WDFY4: variants seen among roughly 807,000 people sequenced by gnomAD.
The protein encoded by WDFY4 is WD repeat- and FYVE domain-containing protein 4.
A neutral mutation model predicts 351.9 loss-of-function variants in WDFY4; 169 were observed. The ratio of observed to expected loss-of-function variants is 0.48; its 90% confidence interval spans 0.42 to 0.55. The LOEUF (loss-of-function observed/expected upper bound fraction) is 0.55, where lower values mean the gene tolerates loss of function less well. Ranked by LOEUF, WDFY4 falls within the 20% of genes least tolerant of loss-of-function variation. The pLI, the probability that WDFY4 is intolerant of heterozygous loss-of-function variation, is 0.00. For missense variants in WDFY4, 3,803 were observed against 3,935.6 expected (o/e 0.97, Z 0.90); for synonymous variants, 1,622 against 1,574.6 (o/e 1.03, Z -0.71).
At position 48,882,427 on chromosome 10, in the gene WDFY4, G is replaced by A. The variant is rs140326920; in HGVS notation, c.7167+5228G>A. ...GCTAGATGTCAGAAGCCCTTGCCTTGTGTGATCTTCATGCACTGTCTCATT... is the reference window on the plus strand; with the variant it reads ...GCTAGATGTCAGAAGCCCTTGCCTTATGTGATCTTCATGCACTGTCTCATT... On this transcript the variant is annotated intron_variant, in intron 43 of 61. Coordinates refer to ENST00000325239, the MANE Select transcript of WDFY4 (RefSeq NM_001394531.1). Among the ~76,000 whole-genome samples the A allele has an allele frequency of 2.2e-3, 334 of 152,316 alleles. 1 individual carries two copies. The highest frequency in any genetic ancestry group is 7.6e-3 in the African/African-American group (317 of 41,558).
At chr10:48,904,844 T>A (rs1246307826) in intron 47 of WDFY4, among the ~76,000 whole-genome samples, 5 of 152,170 alleles carry the variant, frequency 3.3e-5, no homozygotes, top group Non-Finnish European at 7.4e-5. Context: ...CCCACCCAAC[T>A]ACATAGACCA....
chr10:48,849,316 C>T (rs1181477639), intron 39 of WDFY4, among the ~76,000 whole-genome samples: 1 of 152,194 alleles, frequency 6.6e-6, no homozygotes, highest in East Asian at 1.9e-4. Flanking sequence ...CCATAGAATA[C>T]ATGACCATCT....
At chr10:48,687,674 G>C (rs975556299) in intron 1 of WDFY4, among the ~76,000 whole-genome samples, 3 of 145,898 alleles carry the variant, frequency 2.1e-5, no homozygotes, top group Non-Finnish European at 4.5e-5. Flanking sequence ...GAGTGCAATG[G>C]CATGATCTTG....
At chr10:48,838,751 G>T (rs935552094) in intron 39 of WDFY4, among the ~76,000 whole-genome samples, 2 of 152,104 alleles carry the variant, frequency 1.3e-5, no homozygotes, top group African/African-American at 4.8e-5. Context: ...CCCAGACATC[G>T]TATTATTTCA....
At chr10:48,822,349 T>C (rs1297269740) in intron 34 of WDFY4, 31 bp from the exon 35 acceptor site, 3 of 1,504,360 alleles carry the variant, frequency 2.0e-6, no homozygotes, top group East Asian at 2.5e-5. Flanking sequence ...CCATTTAGAC[T>C]CTCACCTCCA....
At position 48,943,317 on chromosome 10, in the gene WDFY4, T is replaced by A. The variant is rs1432048409; in HGVS notation, c.7630-13T>A. 1 of 1,551,284 alleles carries A rather than the reference T, an allele frequency of 6.4e-7. No individual in the cohort carries two copies. The highest frequency in any genetic ancestry group is 2.4e-5 in the East Asian group (1 of 40,928). On this transcript the variant is annotated splice_polypyrimidine_tract_variant and intron_variant, in intron 48 of 61. Coordinates refer to ENST00000325239, the MANE Select transcript of WDFY4 (RefSeq NM_001394531.1). ...ACGTATTTGGTTTATCCCCTTTCTG[T>A]CTCTTCTGGTAGAAAAGGGACATCA...
chr10:48,828,862 A>G lies in WDFY4; in HGVS notation c.6306A>G (p.Lys2102=). 2 of 1,485,756 alleles carry G rather than the reference A, an allele frequency of 1.3e-6. No homozygotes were observed. The highest frequency in any genetic ancestry group is 1.8e-6 in the Non-Finnish European group (2 of 1,109,166). 92.0% of individuals were successfully genotyped at this position (1,485,756 alleles called of 1,614,324 possible). A position where few individuals can be genotyped will look rare whatever the true frequency, so the allele number is the denominator to read the frequency against. ...QVFLSPNEDV[K]EKREDLPSLS... ...TCCTTTCCCCAAATGAAGACGTGAA[A>G]GAAAAAAGAGAAGACTTACCAAGTT... Residue 2102 remains lysine (K), a synonymous_variant, in exon 37 of 62, where the codon AAA becomes AAG. Coordinates refer to ENST00000325239, the MANE Select transcript of WDFY4 (RefSeq NM_001394531.1).
intron 47 of WDFY4, among the ~76,000 whole-genome samples, chr10:48,911,960 G>A (rs1194570069): frequency 6.6e-6 from 1 of 152,204 alleles, no homozygotes; most frequent in African/African-American, 2.4e-5. Context: ...ACAATGTGAG[G>A]AGAAAATAAG....
At chr10:48,908,030 G>T (rs2671694) in intron 47 of WDFY4, among the ~76,000 whole-genome samples, 52,087 of 152,090 alleles carry the variant, frequency 0.34, 10,883 homozygotes, top group Non-Finnish European at 0.46. Flanking sequence ...TGGCCATTCT[G>T]CCTAGGTCAT....
intron 1 of WDFY4, among the ~76,000 whole-genome samples, chr10:48,687,926 C>T (rs1022885548): frequency 2.6e-5 from 4 of 152,154 alleles, no homozygotes; most frequent in Non-Finnish European, 5.9e-5. Context: ...GGACTACTGG[C>T]GTGCGCCACC....
intron 23 of WDFY4, among the ~76,000 whole-genome samples, chr10:48,795,341 A>G (rs2066819424): frequency 1.3e-5 from 2 of 151,666 alleles, no homozygotes; most frequent in African/African-American, 4.9e-5. Context: ...TTAGAAGGAC[A>G]GAGTTGGATT....
chr10:48,905,041 C>T (rs1837548270), intron 47 of WDFY4, among the ~76,000 whole-genome samples: 1 of 152,222 alleles, frequency 6.6e-6, no homozygotes, highest in Admixed American at 6.5e-5. Flanking sequence ...TCAATCATGA[C>T]ACACATCACT....
At chr10:48,754,546 TATC>T (rs1233491919) in intron 12 of WDFY4, among the ~76,000 whole-genome samples, 1 of 151,618 alleles carries the variant, frequency 6.6e-6, no homozygotes, top group Non-Finnish European at 1.5e-5. Context: ...CAATAGCACT[TATC>T]ATTTCTTATT....
In WDFY4 at chr10:48,721,307, C is replaced by T. The variant is rs367611728; in HGVS notation, c.396C>T (p.Asp132=). ...GACAGTTGCTGTGGTGGAAGGGGGA[C>T]GTGGATCAGGATGGCTACTTGCTCC... is the stretch of plus-strand genomic sequence containing the variant. The part of the protein sequence containing the change: ...AAGQLLWWKG[D]VDQDGYLLLK... The change falls in exon 4 of 62, where the codon GAC becomes GAT. Residue 132 remains aspartate (D), a synonymous_variant. Transcript: ENST00000325239. The T allele has an allele frequency of 1.4e-5, 22 of 1,551,582 alleles. No individual in the cohort carries two copies. The highest frequency in any genetic ancestry group is 2.4e-5 in the South Asian group (2 of 84,048).
intron 11 of WDFY4, among the ~76,000 whole-genome samples, chr10:48,737,207 G>C (rs2064699602): frequency 6.6e-6 from 1 of 152,034 alleles, no homozygotes; most frequent in African/African-American, 2.4e-5. Context: ...AGGGGGTCTT[G>C]TTATGTTATC....
At chr10:48,845,172 C>T (rs969651827) in intron 39 of WDFY4, among the ~76,000 whole-genome samples, 7 of 152,140 alleles carry the variant, frequency 4.6e-5, no homozygotes, top group Non-Finnish European at 7.4e-5. Flanking sequence ...TGGCAGGAGC[C>T]GGCCACCAAG....
intron 43 of WDFY4, among the ~76,000 whole-genome samples, chr10:48,885,466 A>C (rs1327840352): frequency 6.6e-6 from 1 of 152,198 alleles, no homozygotes; most frequent in East Asian, 1.9e-4. Flanking sequence ...GGTGCAACCA[A>C]ACAAGAGCAA....
intron 39 of WDFY4, among the ~76,000 whole-genome samples, chr10:48,835,310 G>A (rs2068348295): frequency 6.6e-6 from 1 of 152,188 alleles, no homozygotes; most frequent in African/African-American, 2.4e-5. Flanking sequence ...AGATGGAGAA[G>A]GTCAGCAAAG....
chr10:48,701,493 A>G (rs1463631184), intron 1 of WDFY4, among the ~76,000 whole-genome samples: 1 of 152,224 alleles, frequency 6.6e-6, no homozygotes, highest in African/African-American at 2.4e-5. Context: ...TCAATAATAA[A>G]CATAGTATTT....
Sources: gnomAD v4.1 joint callset for allele counts (sites outside exome capture counted in the v4.1 genomes callset) on GRCh38, gnomAD v4.1.1 for gene constraint, MANE v1.5 for transcripts, NCBI Gene and HGNC (gene_info 2026-07-23, HGNC 2026-07-21) for gene names.